ANKRD55: variants seen among roughly 807,000 people sequenced by gnomAD.
The protein encoded by ANKRD55 is ankyrin repeat domain 55.
ANKRD55 carries 41 observed loss-of-function variants against 60.6 expected under a neutral mutation model. The observed-to-expected ratio is 0.68, with a 90% CI of 0.53 to 0.88. The LOEUF (loss-of-function observed/expected upper bound fraction) is 0.88. Among genes scored for constraint, ANKRD55 ranks in the 40% least tolerant of loss-of-function variants. ANKRD55 has a pLI of 0.00. For missense variants in ANKRD55, 732 were observed against 767.6 expected, an observed-to-expected ratio of 0.95 and a Z score of 0.55; for synonymous variants, 264 against 290.3, an observed-to-expected ratio of 0.91 and a Z score of 0.92.
intron 2 of ANKRD55, among the ~76,000 whole-genome samples, chr5:56,188,353 G>T (rs1237767669): frequency 7.7e-6 from 1 of 129,194 alleles, no homozygotes. Context: ...CCGCAACCCC[G>T]CCACCCCCCT....
intron 10 of ANKRD55, among the ~76,000 whole-genome samples, chr5:56,108,853 A>G (rs1240818800): frequency 6.6e-6 from 1 of 152,240 alleles, no homozygotes. Flanking sequence ...CCTGGCCAAC[A>G]TAGTGAAACC....
At chr5:56,163,887 T>A (rs973260147) in intron 5 of ANKRD55, among the ~76,000 whole-genome samples, 11 of 151,620 alleles carry the variant, frequency 7.3e-5, no homozygotes, top group Non-Finnish European at 1.2e-4. Flanking sequence ...AAGTCAAGAG[T>A]TTGAGACCAG....
At chr5:56,225,616 G>T (rs1760091396) in intron 2 of ANKRD55, among the ~76,000 whole-genome samples, 1 of 152,188 alleles carries the variant, frequency 6.6e-6, no homozygotes, top group Non-Finnish European at 1.5e-5. Flanking sequence ...TCCTTAAGCT[G>T]ATAAGCAACT....
intron 4 of ANKRD55, among the ~76,000 whole-genome samples, chr5:56,173,073 C>T (rs1432609068): frequency 1.3e-5 from 2 of 152,202 alleles, no homozygotes; most frequent in Admixed American, 1.3e-4. Flanking sequence ...TCGACTAGTG[C>T]CAATGAACTT....
At chr5:56,138,605 A>G (rs6876431) in intron 7 of ANKRD55, among the ~76,000 whole-genome samples, 61,453 of 152,148 alleles carry the variant, frequency 0.4, 12,925 homozygotes, top group Middle Eastern at 0.59. Context: ...GTCCTTGCAT[A>G]GATGAATGGA....
intron 10 of ANKRD55, among the ~76,000 whole-genome samples, chr5:56,110,100 C>T (rs1756632540): frequency 1.3e-5 from 2 of 150,034 alleles, no homozygotes; most frequent in Admixed American, 1.3e-4. Flanking sequence ...ATCTATCTGT[C>T]TATATAAATT....
chr5:56,181,121 C>T (rs868062188), intron 3 of ANKRD55, among the ~76,000 whole-genome samples: 155 of 152,234 alleles, frequency 1.0e-3, no homozygotes, highest in African/African-American at 3.6e-3. Flanking sequence ...TGCTTGAACC[C>T]GGGAGGTGGA....
intron 2 of ANKRD55, among the ~76,000 whole-genome samples, chr5:56,195,387 G>C (rs1340971892): frequency 6.6e-6 from 1 of 152,146 alleles, no homozygotes; most frequent in Non-Finnish European, 1.5e-5. Context: ...TTTCCCTTAT[G>C]TTTATCATTA....
intron 7 of ANKRD55, among the ~76,000 whole-genome samples, chr5:56,129,853 C>T (rs754894859): frequency 2.6e-5 from 4 of 152,140 alleles, no homozygotes; most frequent in South Asian, 2.1e-4. Flanking sequence ...GTGTTGCAGC[C>T]GCTTATCCCT....
At chr5:56,137,163 T>TA in intron 7 of ANKRD55, 6 of 1,497,230 alleles carry the variant, frequency 4.0e-6, no homozygotes, top group Non-Finnish European at 5.6e-6. Flanking sequence ...ATTGTGACGT[T>TA]ACAGTGGTGG....
At chr5:56,107,442 C>A (rs1246779185) in intron 10 of ANKRD55, among the ~76,000 whole-genome samples, 1 of 152,090 alleles carries the variant, frequency 6.6e-6, no homozygotes, top group Non-Finnish European at 1.5e-5. Context: ...TATTGAATTT[C>A]TTTTTATTTC....
At chr5:56,168,155 G>A (rs901322037) in intron 5 of ANKRD55, among the ~76,000 whole-genome samples, 2 of 152,194 alleles carry the variant, frequency 1.3e-5, no homozygotes, top group African/African-American at 4.8e-5. Flanking sequence ...TGGAATATGA[G>A]CAGAAATGAA....
intron 6 of ANKRD55, 27 bp from the exon 7 acceptor site, chr5:56,143,956 G>A (rs200820464): frequency 9.7e-5 from 156 of 1,612,984 alleles, no homozygotes; most frequent in Non-Finnish European, 1.2e-4. Flanking sequence ...AGAGAGGACA[G>A]AGATGAGCAC....
intron 2 of ANKRD55, among the ~76,000 whole-genome samples, chr5:56,201,616 G>T (rs561134884): frequency 6.6e-6 from 1 of 152,272 alleles, no homozygotes; most frequent in Non-Finnish European, 1.5e-5. Context: ...TTGCCAAATG[G>T]ATAAGAATAG....
chr5:56,168,412 C>T (rs1315583160), intron 5 of ANKRD55, among the ~76,000 whole-genome samples: 3 of 152,144 alleles, frequency 2.0e-5, no homozygotes, highest in South Asian at 2.1e-4. Flanking sequence ...GGAGACAGCT[C>T]GGTTAACAAA....
At chr5:56,159,185 A>T (rs1322622330) in intron 6 of ANKRD55, among the ~76,000 whole-genome samples, 1 of 151,686 alleles carries the variant, frequency 6.6e-6, no homozygotes, top group Non-Finnish European at 1.5e-5. Context: ...TCTTAGGCTG[A>T]GTGCAGTGGC....
At chr5:56,153,674 C>A (rs1041207088) in intron 6 of ANKRD55, among the ~76,000 whole-genome samples, 1 of 151,502 alleles carries the variant, frequency 6.6e-6, no homozygotes, top group African/African-American at 2.4e-5. Flanking sequence ...CCTGTCTCTA[C>A]TAATATACAA....
chr5:56,179,221 A>G (rs1459605613), intron 3 of ANKRD55, among the ~76,000 whole-genome samples: 4 of 152,262 alleles, frequency 2.6e-5, no homozygotes, highest in Non-Finnish European at 4.4e-5. Flanking sequence ...ATTAATCCAG[A>G]TCCACTTGAA....
intron 2 of ANKRD55, among the ~76,000 whole-genome samples, chr5:56,221,096 G>C (rs1759950320): frequency 6.6e-6 from 1 of 152,056 alleles, no homozygotes. Context: ...TTTACTCCAG[G>C]CTCCCATTCA....
Sources: gnomAD v4.1 joint callset for allele counts (sites outside exome capture counted in the v4.1 genomes callset) on GRCh38, gnomAD v4.1.1 for gene constraint, MANE v1.5 for transcripts, NCBI Gene and HGNC (gene_info 2026-07-23, HGNC 2026-07-21) for gene names.